The following MCM6 variants were observed in gnomAD, a reference collection of about 807,000 sequenced individuals.
MCM6 encodes minichromosome maintenance complex component 6.
MCM6 carries 46 observed loss-of-function variants against 94.3 expected under a neutral mutation model. The observed-to-expected ratio is 0.49, with a 90% CI of 0.39 to 0.62. The LOEUF (loss-of-function observed/expected upper bound fraction) is 0.62. Among genes scored for constraint, MCM6 ranks in the 20% least tolerant of loss-of-function variants. The pLI is 0.00. For synonymous variants in MCM6, 335 were observed against 351.9 expected, an observed-to-expected ratio of 0.95 and a Z score of 0.54; for missense variants, 865 against 1,017.9, an observed-to-expected ratio of 0.85 and a Z score of 2.04.
At chr2:135,871,245 G>A (rs1680194895) in intron 2 of MCM6, among the ~76,000 whole-genome samples, 1 of 152,214 alleles carries the variant, frequency 6.6e-6, no homozygotes, top group Non-Finnish European at 1.5e-5. Context: ...CTACTCTCAG[G>A]AAAGAGAACT....
Position 135,876,108 on chromosome 2 carries a change from C to A in MCM6, c.107+151G>T, listed in dbSNP as rs1405987931. ...TCCCAGGCTCCTCGCGGCCGCCGGG[C>A]TCGGAGCCTAAAGTTGGGGGGCGGG... is the stretch of plus-strand genomic sequence containing the variant. On this transcript the variant is annotated intron_variant, in intron 1 of 16. Coordinates refer to ENST00000264156, the MANE Select transcript of MCM6 (RefSeq NM_005915.6). The A allele has an allele frequency of 7.0e-6, 4 of 568,080 alleles. No homozygotes were observed. The South Asian group carries it at 8.5e-5, about 12-fold the overall frequency. 35.2% of individuals were successfully genotyped at this position (568,080 alleles called of 1,614,324 possible).
intron 5 of MCM6, 63 bp from the exon 6 acceptor site, chr2:135,866,340 C>T: frequency 1.3e-6 from 2 of 1,580,870 alleles, no homozygotes; most frequent in East Asian, 2.2e-5. Flanking sequence ...ATCAAAATTG[C>T]TCAAATAAAT....
At chr2:135,862,474 T>C (rs1290154279) in intron 8 of MCM6, 133 bp downstream of exon 8, 1 of 993,358 alleles carries the variant, frequency 1.0e-6, no homozygotes, top group Non-Finnish European at 1.4e-6. Context: ...CTTTAATCTA[T>C]GAGAATTATA....
At chr2:135,843,737 A>AAAAAAAAACC (rs1553437365) in intron 16 of MCM6, among the ~76,000 whole-genome samples, 2,214 of 150,644 alleles carry the variant, frequency 0.015, 75 homozygotes, top group African/African-American at 0.052. Context: ...TCTCAAAAAA[A>AAAAAAAAACC]AAAAAAAAAA....
chr2:135,851,750 G>C (rs2304369), intron 12 of MCM6, 187 bp from the exon 13 acceptor site: 1 of 423,336 alleles, frequency 2.4e-6, no homozygotes, highest in Non-Finnish European at 4.1e-6. Context: ...AAGGAGGCTT[G>C]TGAATTCCAT....
intron 9 of MCM6, among the ~76,000 whole-genome samples, chr2:135,858,446 C>A (rs1679930878): frequency 6.6e-6 from 1 of 152,138 alleles, no homozygotes; most frequent in African/African-American, 2.4e-5. Flanking sequence ...AAGGTTGCAC[C>A]ACTGCACTCC....
rs760361494 is a variant in MCM6, at chr2:135,868,587, T to G, written c.615+24A>C. On this transcript the variant is annotated intron_variant, in intron 4 of 16. Transcript: ENST00000264156. ...AATTATTATCATAGATGGACTCTGATCTAAACAGATGTTAAATAAATACCT... is the reference window on the plus strand; with the variant it reads ...AATTATTATCATAGATGGACTCTGAGCTAAACAGATGTTAAATAAATACCT... 71 of 1,610,268 alleles carry G rather than the reference T, an allele frequency of 4.4e-5. 1 individual carries two copies. In the South Asian group the frequency reaches 4.5e-4, roughly 10 times the overall value.
chr2:135,862,564 A>G (rs1157010839), intron 8 of MCM6, 43 bp downstream of exon 8: 1 of 1,610,908 alleles, frequency 6.2e-7, no homozygotes, highest in South Asian at 1.1e-5. Flanking sequence ...CCTGGGAACT[A>G]TGTACACTTT....
At position 135,858,072 on chromosome 2, in the gene MCM6, C is replaced by T; in HGVS notation, c.1363-68G>A. On this transcript the variant is annotated intron_variant, in intron 9 of 16. Transcript: ENST00000264156. ...TGGATGCATGGCTCACACTTGTAAT[C>T]CCAGCACTTTGGGAGGCCAAGGCAG... The T allele has an allele frequency of 2.1e-6, 3 of 1,445,562 alleles. 1 individual carries two copies. The highest frequency in any genetic ancestry group is 2.3e-5 in the South Asian group (2 of 87,076). The allele number at this position is 1,445,562 out of a possible 1,614,324, so 89.5% of individuals were successfully genotyped here. A position where few individuals can be genotyped will look rare whatever the true frequency, so the allele number is the denominator to read the frequency against.
chr2:135,867,703 C>A (rs1680125084), intron 4 of MCM6, among the ~76,000 whole-genome samples: 2 of 152,088 alleles, frequency 1.3e-5, no homozygotes, highest in Admixed American at 1.3e-4. Flanking sequence ...TCTGTTAAAC[C>A]CATCACGGAC....
intron 7 of MCM6, among the ~76,000 whole-genome samples, chr2:135,863,538 C>A (rs937979107): frequency 4.0e-5 from 6 of 151,812 alleles, no homozygotes; most frequent in Non-Finnish European, 7.4e-5. Context: ...CCAGCCCAGG[C>A]AACACGGTAA....
chr2:135,853,948 G>A (rs1265261933), intron 11 of MCM6, among the ~76,000 whole-genome samples: 1 of 152,152 alleles, frequency 6.6e-6, no homozygotes, highest in Non-Finnish European at 1.5e-5. Flanking sequence ...TTGTCTGGGC[G>A]GAACACAGTG....
chr2:135,851,192 A>G (rs576534466), intron 13 of MCM6, among the ~76,000 whole-genome samples: 1 of 152,344 alleles, frequency 6.6e-6, no homozygotes, highest in South Asian at 2.1e-4. Flanking sequence ...TATGCACTCT[A>G]TAAACTATGA....
intron 1 of MCM6, among the ~76,000 whole-genome samples, chr2:135,873,168 GCT>G (rs1262052796): frequency 1.3e-5 from 2 of 152,156 alleles, no homozygotes; most frequent in African/African-American, 4.8e-5. Flanking sequence ...CTCTGCACAA[GCT>G]CTCTTTGCCT....
chr2:135,856,637 T>A, intron 11 of MCM6, 91 bp downstream of exon 11: 1 of 1,358,458 alleles, frequency 7.4e-7, no homozygotes, highest in Admixed American at 2.1e-5. Context: ...CTGGTGCACA[T>A]ACATGCACCA....
chr2:135,848,173 C>A lies in MCM6; in HGVS notation c.1933G>T (p.Val645Leu), dbSNP rs767461208. The change falls in exon 14 of 17, where the codon GTG (valine) becomes TTG (leucine). Residue 645 changes from valine to leucine, a missense_variant. By Grantham distance (32) the Val-to-Leu change is conservative. Transcript: ENST00000264156. ...HCCDEVQPKHVKEAFRLLNKS... is the reference protein window; with the variant it reads ...HCCDEVQPKHLKEAFRLLNKS... ...TTCAGTAACCGGAAAGCTTCCTTCA[C>A]ATGTTTAGGTTGGACCTAAACCAAT... 3.2e-5 allele frequency: 51 copies of A among 1,611,946 alleles called. No individual in the cohort carries two copies. Among genetic ancestry groups the A allele is most frequent in the Non-Finnish European group, 4.0e-5 (47 of 1,178,294 alleles).
Position 135,862,618 on chromosome 2 carries a change from G to A in MCM6, c.1209C>T (p.Ser403=), listed in dbSNP as rs1680016787. 1 of 1,613,938 alleles carries A rather than the reference G, an allele frequency of 6.2e-7. No homozygotes were observed. The highest frequency in any genetic ancestry group is 1.1e-5 in the South Asian group (1 of 91,076). Residue 403 remains serine, a synonymous_variant, in exon 8 of 17, where the codon AGC becomes AGT. Transcript: ENST00000264156. ...CIVGDPSTAK[S]QFLKHVEEFS... ...AGGCAAACGCTTACTTGAGAAATTG[G>A]CTCTTAGCTGTACTTGGGTCACCAA...
chr2:135,865,137 C>G lies in MCM6; in HGVS notation c.954G>C (p.Glu318Asp). 1 of 1,557,910 alleles carries G rather than the reference C, an allele frequency of 6.4e-7. No homozygotes were observed. ...TCTTAATGCTCTCAGCTGTCTGTTCCTCATCTCTGAGCTCTTTCCCCCCAA... is the reference window on the plus strand; with the variant it reads ...TCTTAATGCTCTCAGCTGTCTGTTCGTCATCTCTGAGCTCTTTCCCCCCAA... ...PRFGGKELRD[E>D]EQTAESIKNQ... The change falls in exon 7 of 17, where the codon GAG (glutamate) becomes GAC (aspartate). Residue 318 changes from glutamate (E) to aspartate (D), a missense_variant. Around this residue, in one of 3 missense-constraint regions of MCM6, gnomAD observed 404 missense variants for 451.9 expected, o/e 0.89. Transcript: ENST00000264156.
At chr2:135,859,634 C>T (rs1427635969) in intron 8 of MCM6, among the ~76,000 whole-genome samples, 192 bp from the exon 9 acceptor site, 3 of 151,096 alleles carry the variant, frequency 2.0e-5, no homozygotes, top group African/African-American at 4.9e-5. Context: ...GAGAGGGTCT[C>T]GCTCTGTCAC....
Sources: allele counts gnomAD v4.1 joint callset (sites outside exome capture counted in the v4.1 genomes callset), GRCh38; gene constraint gnomAD v4.1.1; regional missense constraint gnomAD v4.1.1; transcripts MANE v1.5; gene names NCBI Gene and HGNC (gene_info 2026-07-23, HGNC 2026-07-21).